CCDC7: variants seen among roughly 807,000 people sequenced by gnomAD.
CCDC7 encodes coiled-coil domain containing 7.
A neutral mutation model predicts 196.9 loss-of-function variants in CCDC7; 183 were observed. The observed-to-expected ratio is 0.93, with a 90% CI of 0.82 to 1.05. The LOEUF (loss-of-function observed/expected upper bound fraction) is 1.05, where lower values mean the gene tolerates loss of function less well. Among genes scored for constraint, CCDC7 ranks in the 50% least tolerant of loss-of-function variants. CCDC7 has a pLI of 0.00. For missense variants in CCDC7, 1,540 were observed against 1,482.2 expected (o/e 1.04, Z -0.64); for synonymous variants, 525 against 484.6 (o/e 1.08, Z -1.10).
At chr10:32,569,659 C>T (rs2137020305) in intron 15 of CCDC7, among the ~76,000 whole-genome samples, 1 of 152,200 alleles carries the variant, frequency 6.6e-6, no homozygotes, top group South Asian at 2.1e-4. Context: ...AACTCGTGAC[C>T]TCAGGTGATC....
At chr10:32,744,270 G>A (rs111324192) in intron 28 of CCDC7, among the ~76,000 whole-genome samples, 8,063 of 151,530 alleles carry the variant, frequency 0.053, 714 homozygotes, top group African/African-American at 0.18. Flanking sequence ...CATAAATCCA[G>A]TTGATCAGAT....
rs933568346 is a variant in CCDC7, at chr10:32,634,506, C to T, written c.1912+142C>T. On this transcript the variant is annotated intron_variant, in intron 19 of 41. Coordinates refer to ENST00000639629, the Ensembl canonical transcript of CCDC7. ...CCATCTTCCGGGTTGAAGCGATTCT[C>T]CTGCCCCAGACTCCCGAGTAGCTGG... 16 of 326,404 alleles carry T rather than the reference C, an allele frequency of 4.9e-5. No individual in the cohort carries two copies. In the East Asian group the frequency reaches 6.0e-4, roughly 12 times the overall value. 20.2% of individuals were successfully genotyped at this position (326,404 alleles called of 1,614,324 possible).
At chr10:32,821,755 G>A (rs2090253517) in intron 31 of CCDC7, among the ~76,000 whole-genome samples, 1 of 151,358 alleles carries the variant, frequency 6.6e-6, no homozygotes, top group East Asian at 2.0e-4. Context: ...GGTGGGAATT[G>A]AACAATGAGA....
chr10:32,826,794 G>A (rs73258105), intron 32 of CCDC7, among the ~76,000 whole-genome samples: 6,941 of 152,308 alleles, frequency 0.046, 536 homozygotes, highest in African/African-American at 0.16. Context: ...GAAACACAGC[G>A]GTGAAGGGAA....
At chr10:32,560,553 T>C (rs1337039226) in intron 13 of CCDC7, among the ~76,000 whole-genome samples, 12 of 151,960 alleles carry the variant, frequency 7.9e-5, no homozygotes, top group Non-Finnish European at 1.3e-4. Flanking sequence ...CACCCAGAAT[T>C]TCATATCCAG....
chr10:32,513,566 AAT>A (rs927157317), intron 9 of CCDC7: 17 of 152,148 alleles, frequency 1.1e-4, no homozygotes, highest in Admixed American at 6.5e-5. Flanking sequence ...TAAGAAGATA[AAT>A]ATATGTTATG....
chr10:32,491,329 T>G (rs1212745931), intron 8 of CCDC7, among the ~76,000 whole-genome samples: 1 of 152,236 alleles, frequency 6.6e-6, no homozygotes, highest in Non-Finnish European at 1.5e-5. Context: ...ATACTTTTTA[T>G]GTCACAAGAT....
intron 18 of CCDC7, among the ~76,000 whole-genome samples, chr10:32,631,015 C>T (rs1448545644): frequency 1.3e-5 from 2 of 152,134 alleles, no homozygotes; most frequent in Non-Finnish European, 2.9e-5. Context: ...TTTCAGAATC[C>T]AGCTGCCATT....
At chr10:32,830,311 G>A (rs933894436) in intron 32 of CCDC7, among the ~76,000 whole-genome samples, 4 of 149,212 alleles carry the variant, frequency 2.7e-5, no homozygotes, top group African/African-American at 9.8e-5. Flanking sequence ...GATTCCAAAA[G>A]GTAAACAAGA....
chr10:32,664,739 G>A (rs955507528), intron 21 of CCDC7, among the ~76,000 whole-genome samples: 8 of 151,840 alleles, frequency 5.3e-5, no homozygotes, highest in African/African-American at 1.7e-4. Flanking sequence ...GTTTGATTCC[G>A]TATCTTGGTT....
intron 28 of CCDC7, among the ~76,000 whole-genome samples, chr10:32,759,734 A>T (rs2077114194): frequency 6.6e-6 from 1 of 152,208 alleles, no homozygotes; most frequent in Non-Finnish European, 1.5e-5. Context: ...AAAAGGCAAA[A>T]TTGACAAATG....
intron 16 of CCDC7, among the ~76,000 whole-genome samples, chr10:32,578,578 A>C (rs1423423565): frequency 1.3e-5 from 2 of 151,492 alleles, no homozygotes; most frequent in Non-Finnish European, 2.9e-5. Context: ...TCACATGTGA[A>C]GTTAACAATA....
chr10:32,602,219 G>A (rs959547842), intron 18 of CCDC7, among the ~76,000 whole-genome samples: 10 of 151,710 alleles, frequency 6.6e-5, no homozygotes, highest in Admixed American at 1.3e-4. Context: ...CACTCACTGC[G>A]AAGGTCTGCG....
At chr10:32,568,754 T>C (rs541269819) in intron 15 of CCDC7, among the ~76,000 whole-genome samples, 43 of 152,360 alleles carry the variant, frequency 2.8e-4, no homozygotes, top group African/African-American at 1.0e-3. Flanking sequence ...GCTAGTCATT[T>C]ACACAAGACC....
intron 24 of CCDC7, among the ~76,000 whole-genome samples, chr10:32,704,963 G>A (rs1179702969): frequency 6.6e-6 from 1 of 152,130 alleles, no homozygotes; most frequent in African/African-American, 2.4e-5. Flanking sequence ...GCACTTCCCG[G>A]GTGAGGCGAT....
chr10:32,791,662 T>C (rs1304602863), intron 29 of CCDC7, among the ~76,000 whole-genome samples: 2 of 150,746 alleles, frequency 1.3e-5, no homozygotes, highest in African/African-American at 4.9e-5. Flanking sequence ...ATAGGTCTTT[T>C]GAAATGACTC....
intron 24 of CCDC7, among the ~76,000 whole-genome samples, chr10:32,700,115 ATG>A (rs2078423829): frequency 6.7e-6 from 1 of 149,526 alleles, no homozygotes; most frequent in South Asian, 2.1e-4. Flanking sequence ...TGTTTTAGAC[ATG>A]AAGTCCTTGC....
intron 3 of CCDC7, among the ~76,000 whole-genome samples, chr10:32,458,019 C>T (rs1454656333): frequency 1.3e-5 from 2 of 151,988 alleles, no homozygotes; most frequent in Admixed American, 6.6e-5. Context: ...TGTGCAGAAG[C>T]TTTTTAGTTT....
chr10:32,493,460 C>T lies in CCDC7; in HGVS notation c.872+1463C>T, dbSNP rs1052018947. Among the ~76,000 whole-genome samples the T allele has an allele frequency of 5.3e-5, 8 of 151,114 alleles. No homozygotes were observed. The East Asian group carries it at 1.6e-3, about 29-fold the overall frequency. On this transcript the variant is annotated intron_variant, in intron 9 of 41. Transcript: ENST00000639629. ...CATTTATGGACACTTAGGTTGATTC[C>T]ATATTGTAGTTATTGTGAATAATAC...
Sources: allele counts gnomAD v4.1 joint callset (sites outside exome capture counted in the v4.1 genomes callset), GRCh38; gene constraint gnomAD v4.1.1; transcripts MANE v1.5; gene names NCBI Gene and HGNC (gene_info 2026-07-23, HGNC 2026-07-21).